The following TMPRSS6 variants were observed in gnomAD, a reference collection of about 807,000 sequenced individuals.
TMPRSS6 encodes the protein transmembrane serine protease 6, also known as transmembrane protease serine 6.
TMPRSS6 carries 67 observed loss-of-function variants against 101.5 expected under a neutral mutation model. The ratio of observed to expected loss-of-function variants is 0.66; its 90% CI spans 0.54 to 0.81. The LOEUF (loss-of-function observed/expected upper bound fraction) is 0.81, where lower values mean the gene tolerates loss of function less well. Ranked by LOEUF, TMPRSS6 falls within the 30% of genes least tolerant of loss-of-function variation. TMPRSS6 has a pLI of 0.00. For missense variants in TMPRSS6, 1,034 were observed against 1,088.7 expected (o/e 0.95, Z 0.71); for synonymous variants, 453 against 464.9 (o/e 0.97, Z 0.33).
intron 16 of TMPRSS6, among the ~76,000 whole-genome samples, chr22:37,067,981 C>G (rs985538779): frequency 1.3e-5 from 2 of 152,232 alleles, no homozygotes; most frequent in African/African-American, 4.8e-5. Context: ...ACCTGAATGT[C>G]TTTCCCCTTT....
chr22:37,073,421 C>T (rs1927326457), intron 13 of TMPRSS6, 111 bp downstream of exon 13: 1 of 691,500 alleles, frequency 1.4e-6, no homozygotes, highest in South Asian at 1.6e-5. Flanking sequence ...GATGTAAATA[C>T]AGAGGGGTTG....
Position 37,101,756 on chromosome 22 carries a change from G to A in TMPRSS6, c.202+1460C>T, listed in dbSNP as rs950408099. On this transcript the variant is annotated intron_variant, in intron 2 of 17. Transcript: ENST00000676104. The surrounding 1 kb of genome is among the most constrained non-coding windows in gnomAD (Gnocchi z 4.1). ...GATTTACCCCAGGAGCATAATCAGG[G>A]GGAATTAAACTCCTCTGCAAAGAGA... Among the ~76,000 whole-genome samples, 1 of 152,126 alleles carries A rather than the reference G, an allele frequency of 6.6e-6. No homozygotes were observed. Among genetic ancestry groups the A allele is most frequent in the Non-Finnish European group, 1.5e-5 (1 of 68,004 alleles).
chr22:37,071,271 ATCCTGACCACAAGATCATGCC>A (rs1392549058), intron 13 of TMPRSS6, among the ~76,000 whole-genome samples: 10 of 150,910 alleles, frequency 6.6e-5, no homozygotes, highest in Non-Finnish European at 1.3e-4. Context: ...CAGACTGGAG[ATCCTGACCACAAGATCATGCC>A]TCCCCCTCCA....
Position 37,075,175 on chromosome 22 carries a change from G to T in TMPRSS6, c.1302C>A (p.Pro434=). 1 of 1,614,064 alleles carries T rather than the reference G, an allele frequency of 6.2e-7. No individual in the cohort carries two copies. The highest frequency in any genetic ancestry group is 8.5e-7 in the Non-Finnish European group (1 of 1,180,042). The change falls in exon 11 of 18, where the codon CCC becomes CCA. Residue 434 remains proline (P), a synonymous_variant. Coordinates refer to ENST00000676104, the MANE Select transcript of TMPRSS6 (RefSeq NM_001374504.1). ...ACAAGCCATAGTGCACCCGCACACC[G>T]GGCCCGGTGAGGGAGATCTGGGAGG... ...NFTSQISLTG[P]GVRVHYGLYN...
chr22:37,073,753 ATC>A, intron 12 of TMPRSS6, 108 bp from the exon 13 acceptor site: 2 of 778,334 alleles, frequency 2.6e-6, no homozygotes, highest in Admixed American at 1.8e-5. Flanking sequence ...CCAATCACAA[ATC>A]TCTTTCTCTG....
chr22:37,097,778 C>G (rs12485203), intron 3 of TMPRSS6, among the ~76,000 whole-genome samples: 15,804 of 56,138 alleles, frequency 0.28, 4,452 homozygotes, highest in Non-Finnish European at 0.29. Context: ...AACGGAGGGG[C>G]AGGAGTGGGC....
chr22:37,092,332 A>ATTATT (rs1929341997), intron 6 of TMPRSS6, among the ~76,000 whole-genome samples: 1 of 151,794 alleles, frequency 6.6e-6, no homozygotes, highest in Non-Finnish European at 1.5e-5. Context: ...TCTTTTGAAA[A>ATTATT]TTATTTTATT....
intron 1 of TMPRSS6, among the ~76,000 whole-genome samples, chr22:37,106,565 G>A (rs532675828): frequency 2.6e-5 from 4 of 152,024 alleles, no homozygotes; most frequent in Admixed American, 6.6e-5. Flanking sequence ...TAATTCCCCC[G>A]GGCTCATCAT....
At chr22:37,066,310 G>T (rs966449542) in intron 17 of TMPRSS6, 72 bp from the exon 18 acceptor site, 2 of 1,432,190 alleles carry the variant, frequency 1.4e-6, no homozygotes, top group Non-Finnish European at 9.5e-7. Context: ...GAGCCATAGG[G>T]ATTAAGTCCT....
intron 12 of TMPRSS6, among the ~76,000 whole-genome samples, chr22:37,074,269 C>T (rs1021827060): frequency 2.6e-5 from 4 of 152,192 alleles, no homozygotes; most frequent in Non-Finnish European, 5.9e-5. Context: ...CATATTTAAA[C>T]CTTTGACAGG....
intron 6 of TMPRSS6, among the ~76,000 whole-genome samples, chr22:37,094,813 G>C (rs1022729153): frequency 6.6e-6 from 1 of 152,250 alleles, no homozygotes; most frequent in Non-Finnish European, 1.5e-5. Context: ...CCCTCCCTGA[G>C]AAGGGGTTGA....
intron 4 of TMPRSS6, 71 bp downstream of exon 4, chr22:37,096,577 C>T: frequency 6.6e-7 from 1 of 1,504,008 alleles, no homozygotes; most frequent in Non-Finnish European, 9.1e-7. Flanking sequence ...CATCAGAAGC[C>T]TACAGAGGCC....
chr22:37,084,448 C>T (rs1928530419), intron 9 of TMPRSS6, 44 bp from the exon 10 acceptor site: 1 of 1,488,306 alleles, frequency 6.7e-7, no homozygotes, highest in African/African-American at 1.4e-5. Context: ...TGGGGTGTGG[C>T]CAGGTTGGTG....
rs1373272804 is a variant in TMPRSS6 at position 37,086,372 on chromosome 22, G to A, written c.884C>T (p.Ser295Leu). 14 of 1,610,576 alleles carry A rather than the reference G, an allele frequency of 8.7e-6. No homozygotes were observed. Among genetic ancestry groups the A allele is most frequent in the East Asian group, 4.5e-5 (2 of 44,718 alleles). The part of the protein sequence containing the change: ...RQEPVVEVLA[S>L]GAIMAVVWKK... ...CCAGACGACCGCCATGATGGCCCCC[G>A]ACGCCAGAACCTCCACCACGGGCTC... The change falls in exon 8 of 18, where the codon TCG becomes TTG. Residue 295 changes from serine (S) to leucine (L), a missense_variant. Ser to Leu is a moderately radical substitution (Grantham distance 145). Coordinates refer to ENST00000676104, the MANE Select transcript of TMPRSS6 (RefSeq NM_001374504.1).
chr22:37,070,895 C>T (rs761525378), intron 14 of TMPRSS6, 21 bp downstream of exon 14: 67 of 1,609,382 alleles, frequency 4.2e-5, no homozygotes, highest in Middle Eastern at 3.4e-4. Context: ...TCCAGGGCCC[C>T]GGCAGCCAGG....
rs768086386 is a variant in TMPRSS6 at position 37,073,538 on chromosome 22, G to T, written c.1549C>A (p.Gln517Lys). The T allele has an allele frequency of 1.6e-5, 25 of 1,611,516 alleles. No individual in the cohort carries two copies. Among genetic ancestry groups the T allele is most frequent in the Non-Finnish European group, 2.1e-5 (25 of 1,177,802 alleles). ...TCGGCTAGGCCTGCCCTACCTTCCT[G>T]GCACTGCTCTTCGTCGCTGCCGTTG... is the stretch of plus-strand genomic sequence containing the variant. ...CLNGSDEEQCQEGVPCGTFTF... is the reference protein window; with the variant it reads ...CLNGSDEEQCKEGVPCGTFTF... Residue 517 changes from glutamine to lysine, a missense_variant, in exon 13 of 18, where the codon CAG (glutamine) becomes AAG (lysine). Gln to Lys is a moderately conservative substitution (Grantham distance 53). Transcript: ENST00000676104.
At chr22:37,085,063 A>C (rs1928614818) in intron 8 of TMPRSS6, among the ~76,000 whole-genome samples, 1 of 152,178 alleles carries the variant, frequency 6.6e-6, no homozygotes, top group Non-Finnish European at 1.5e-5. Context: ...ATAAACATTC[A>C]AACAGCCTGG....
rs1194603555 is a variant in TMPRSS6 at position 37,066,146 on chromosome 22, A to G, written c.2343T>C (p.Pro781=). ...TGCGGGTGTAGACGCCGAAGTAGTT[A>G]GGCCGGCCACAGCCCAGGCCCCAGC... ...LVSWGLGCGR[P]NYFGVYTRIT... Residue 781 remains proline (P), a synonymous_variant, in exon 18 of 18, where the codon CCT becomes CCC. Coordinates refer to ENST00000676104, the MANE Select transcript of TMPRSS6 (RefSeq NM_001374504.1). 6.2e-7 allele frequency: 1 copy of G among 1,613,322 alleles called. No homozygotes were observed. The highest frequency in any genetic ancestry group is 1.1e-5 in the South Asian group (1 of 91,086).
At position 37,090,275 on chromosome 22, in the gene TMPRSS6, C is replaced by A. The variant is rs568901517; in HGVS notation, c.632-493G>T. Among the ~76,000 whole-genome samples the A allele has an allele frequency of 4.9e-4, 74 of 152,314 alleles. No individual in the cohort carries two copies. The South Asian group carries it at 0.012, about 24-fold the overall frequency. On this transcript the variant is annotated intron_variant, in intron 6 of 17. Coordinates refer to ENST00000676104, the MANE Select transcript of TMPRSS6 (RefSeq NM_001374504.1). Reference sequence around the variant, plus strand: ...CAGGGAGGCCTGGCCCAGGCCATTCCGAGGATGGGCGCTGCTTTCTCCTGC... The same window carrying A: ...CAGGGAGGCCTGGCCCAGGCCATTCAGAGGATGGGCGCTGCTTTCTCCTGC...
Sources: gnomAD v4.1 joint callset for allele counts (sites outside exome capture counted in the v4.1 genomes callset) on GRCh38, gnomAD v4.1.1 for gene constraint, Gnocchi (gnomAD v3.1) non-coding constraint, MANE v1.5 for transcripts, NCBI Gene and HGNC (gene_info 2026-07-23, HGNC 2026-07-21) for gene names.